SLC15A4: variants seen among roughly 807,000 people sequenced by gnomAD.
SLC15A4 encodes hPHT1.
Under a neutral mutation model 46.1 loss-of-function variants are expected in SLC15A4, and 26 were observed. That is an observed-to-expected ratio of 0.56 (90% CI 0.41 to 0.78). The LOEUF (loss-of-function observed/expected upper bound fraction) is 0.78, where lower values mean the gene tolerates loss of function less well. Ranked by LOEUF, SLC15A4 falls within the 30% of genes least tolerant of loss-of-function variation. The pLI, the probability that SLC15A4 is intolerant of heterozygous loss-of-function variation, is 0.00. For missense variants in SLC15A4, 751 were observed against 755.7 expected, an observed-to-expected ratio of 0.99 and a Z score of 0.07; for synonymous variants, 370 against 333.4, an observed-to-expected ratio of 1.11 and a Z score of -1.20.
At chr12:128,799,522 A>G in intron 6 of SLC15A4, 105 bp from the exon 7 acceptor site, 1 of 1,249,504 alleles carries the variant, frequency 8.0e-7, no homozygotes, top group Non-Finnish European at 1.1e-6. Flanking sequence ...TCTCCTAGGG[A>G]CTGAGTCCTG....
chr12:128,798,983 G>A (rs1448409547), intron 7 of SLC15A4, among the ~76,000 whole-genome samples: 1 of 152,208 alleles, frequency 6.6e-6, no homozygotes, highest in Non-Finnish European at 1.5e-5. Flanking sequence ...CCCGTAAGGA[G>A]CGGTGGCTGC....
chr12:128,796,856 G>A (rs1318442345), intron 7 of SLC15A4, among the ~76,000 whole-genome samples: 1 of 152,220 alleles, frequency 6.6e-6, no homozygotes, highest in Non-Finnish European at 1.5e-5. Flanking sequence ...AAAGCTGGCA[G>A]GCCACGTGAA....
chr12:128,808,274 T>C (rs992709757), intron 5 of SLC15A4, among the ~76,000 whole-genome samples: 1 of 152,230 alleles, frequency 6.6e-6, no homozygotes, highest in Non-Finnish European at 1.5e-5. Flanking sequence ...CAGGTTTATC[T>C]GTAGCGGGAG....
intron 5 of SLC15A4, among the ~76,000 whole-genome samples, chr12:128,805,359 G>A (rs1194148402): frequency 6.6e-6 from 1 of 152,122 alleles, no homozygotes; most frequent in Non-Finnish European, 1.5e-5. Context: ...TATATTATTT[G>A]AAGACAAAGA....
At chr12:128,804,140 C>T (rs746439900) in intron 5 of SLC15A4, among the ~76,000 whole-genome samples, 1 of 152,126 alleles carries the variant, frequency 6.6e-6, no homozygotes, top group Non-Finnish European at 1.5e-5. Flanking sequence ...TTGGCCATAA[C>T]GGAAGCCTTG....
At chr12:128,804,442 T>C (rs978261457) in intron 5 of SLC15A4, among the ~76,000 whole-genome samples, 3 of 152,138 alleles carry the variant, frequency 2.0e-5, no homozygotes, top group African/African-American at 7.2e-5. Flanking sequence ...TAAGTAAAAG[T>C]GAATGAAAGC....
intron 7 of SLC15A4, among the ~76,000 whole-genome samples, chr12:128,796,621 A>T (rs1955447926): frequency 6.6e-6 from 1 of 152,118 alleles, no homozygotes; most frequent in African/African-American, 2.4e-5. Flanking sequence ...GTTTTACACT[A>T]TTCGTTCAAC....
chr12:128,794,403 GTAT>G (rs1436445251), intron 7 of SLC15A4, 47 bp from the exon 8 acceptor site: 2 of 1,550,518 alleles, frequency 1.3e-6, no homozygotes, highest in South Asian at 2.4e-5. Context: ...GCTGCTACAG[GTAT>G]TTTTTCAAGA....
In SLC15A4 at chr12:128,823,386, G is replaced by A. The variant is rs1476131719; in HGVS notation, c.546+12C>T. 2.1e-6 allele frequency: 3 copies of A among 1,406,606 alleles called. No individual in the cohort carries two copies. In the South Asian group the frequency reaches 4.6e-5, roughly 21 times the overall value. 87.1% of individuals were successfully genotyped at this position (1,406,606 alleles called of 1,614,324 possible). A position where few individuals can be genotyped will look rare whatever the true frequency, so the allele number is the denominator to read the frequency against. On this transcript the variant is annotated intron_variant, in intron 1 of 7. Coordinates refer to ENST00000266771, the MANE Select transcript of SLC15A4 (RefSeq NM_145648.4). ...GACAGGGACAGGGACAGCGCGCGGG[G>A]GCGCGGCTCACCTGGTCGGCGCCGA...
At chr12:128,805,317 GAT>G (rs571727508) in intron 5 of SLC15A4, among the ~76,000 whole-genome samples, 12 of 152,164 alleles carry the variant, frequency 7.9e-5, no homozygotes, top group Non-Finnish European at 1.6e-4. Context: ...GAGAAAAAGA[GAT>G]ATAATTATTA....
chr12:128,819,034 A>G (rs919128837), intron 1 of SLC15A4, among the ~76,000 whole-genome samples: 3 of 152,158 alleles, frequency 2.0e-5, no homozygotes, highest in African/African-American at 7.2e-5. Flanking sequence ...AAAAATTCCA[A>G]ATGTATAGAA....
At chr12:128,812,979 T>C (rs559571791) in intron 2 of SLC15A4, among the ~76,000 whole-genome samples, 16 of 152,282 alleles carry the variant, frequency 1.1e-4, no homozygotes, top group African/African-American at 3.8e-4. Context: ...CCAAACCCTC[T>C]CCACACTGCC....
chr12:128,793,736 TA>T lies in SLC15A4; in HGVS notation c.*459del, dbSNP rs3835138. 78,015 of 148,198 alleles carry T rather than the reference TA, an allele frequency of 0.53. 21,076 individuals carry two copies. Among genetic ancestry groups the T allele is most frequent in the Non-Finnish European group, 0.61 (41,088 of 67,316 alleles). The allele number at this position is 148,198 out of a possible 1,614,324, so 9.2% of individuals were successfully genotyped here. On this transcript the variant is annotated 3_prime_UTR_variant, in exon 8 of 8. Transcript: ENST00000266771. Reference sequence around the variant, plus strand: ...CAGCATCTGACCATGCTTTTATCTTTAAAAAAAAAAAAATCCTCACTTTCTT... The same window carrying T: ...CAGCATCTGACCATGCTTTTATCTTTAAAAAAAAAAAATCCTCACTTTCTT...
chr12:128,804,852 TCTC>T (rs1955564907), intron 5 of SLC15A4, among the ~76,000 whole-genome samples: 1 of 152,094 alleles, frequency 6.6e-6, no homozygotes, highest in South Asian at 2.1e-4. Context: ...CTTAAAATAT[TCTC>T]CTGCCTACAG....
At chr12:128,797,529 A>G (rs1301282856) in intron 7 of SLC15A4, among the ~76,000 whole-genome samples, 1 of 152,248 alleles carries the variant, frequency 6.6e-6, no homozygotes, top group Non-Finnish European at 1.5e-5. Context: ...CCCAGCTTAA[A>G]TAACACTAAT....
intron 2 of SLC15A4, among the ~76,000 whole-genome samples, chr12:128,812,189 A>G (rs1357748044): frequency 1.3e-5 from 2 of 152,204 alleles, no homozygotes; most frequent in South Asian, 2.1e-4. Context: ...ATCAAGCACT[A>G]TATTATCTTC....
intron 2 of SLC15A4, chr12:128,813,832 A>C (rs1179567526): frequency 6.6e-6 from 1 of 152,320 alleles, no homozygotes; most frequent in Admixed American, 6.5e-5. Context: ...CCTTGACTGC[A>C]CTGGTGGTTA....
Position 128,823,821 on chromosome 12 carries a change from C to G in SLC15A4, c.123G>C (p.Leu41=), listed in dbSNP as rs1374562259. The G allele has an allele frequency of 2.1e-6, 3 of 1,458,072 alleles. No individual in the cohort carries two copies. In the Admixed American group the frequency reaches 6.9e-5, roughly 33 times the overall value. The allele number at this position is 1,458,072 out of a possible 1,614,324, so 90.3% of individuals were successfully genotyped here. A position where few individuals can be genotyped will look rare whatever the true frequency, so the allele number is the denominator to read the frequency against. The part of the protein sequence containing the change: ...AGRRAACGAV[L]LTELLERAAF... ...CGGCGCGCTCCAGCAGCTCCGTCAG[C>G]AGCACGGCCCCGCACGCCGCGCGCC... The change falls in exon 1 of 8, where the codon CTG becomes CTC. Residue 41 remains leucine, a synonymous_variant. Coordinates refer to ENST00000266771, the MANE Select transcript of SLC15A4 (RefSeq NM_145648.4).
rs1227238354 is a variant in SLC15A4 at position 128,814,261 on chromosome 12, TG to T, written c.842+513del. ...TATGATGGACCTGACCGCTGTATGA[TG>T]GACCTGACCGCCGTATGATGGACCT... is the stretch of plus-strand genomic sequence containing the variant. On this transcript the variant is annotated intron_variant, in intron 2 of 7. Transcript: ENST00000266771. The T allele has an allele frequency of 2.8e-3, 596 of 212,448 alleles. 5 individuals carry two copies. The highest frequency in any genetic ancestry group is 0.011 in the East Asian group (69 of 6,242). 13.2% of individuals were successfully genotyped at this position (212,448 alleles called of 1,614,324 possible).
Sources: gnomAD v4.1 joint callset for allele counts (sites outside exome capture counted in the v4.1 genomes callset) on GRCh38, gnomAD v4.1.1 for gene constraint, MANE v1.5 for transcripts, NCBI Gene and HGNC (gene_info 2026-07-23, HGNC 2026-07-21) for gene names.